Variants in SIRT3 observed in about 807,000 individuals in gnomAD.
SIRT3 encodes the protein NAD-dependent protein deacetylase sirtuin-3, mitochondrial.
SIRT3 carries 26 observed loss-of-function variants against 33.5 expected under a neutral mutation model. The observed-to-expected ratio is 0.78, with a 90% CI of 0.57 to 1.08. The LOEUF is 1.08. Ranked by LOEUF, SIRT3 falls within the 50% of genes least tolerant of loss-of-function variation. SIRT3 has a pLI of 0.00. For synonymous variants in SIRT3, 237 were observed against 222.1 expected (o/e 1.07, Z -0.60); for missense variants, 585 against 530.1 (o/e 1.10, Z -1.02).
rs201115579 is a variant in SIRT3, at chr11:218,978, G to A, written c.1033C>T (p.Arg345Trp). ...CAAGCCAAGGGCCCCACCAAGTCCCGGTTGATGAGCAGTCGGGGAACTGAG... is the reference window on the plus strand; with the variant it reads ...CAAGCCAAGGGCCCCACCAAGTCCCAGTTGATGAGCAGTCGGGGAACTGAG... ...RSSVPRLLIN[R>W]DLVGPLAWHP... Residue 345 changes from arginine (R) to tryptophan (W), a missense_variant, in exon 6 of 7, where the codon CGG (arginine) becomes TGG (tryptophan). Physicochemically the swap from Arg to Trp is moderately radical, Grantham distance 101. Transcript: ENST00000382743. 1.0e-4 allele frequency: 168 copies of A among 1,614,026 alleles called. No individual in the cohort carries two copies. The highest frequency in any genetic ancestry group is 3.3e-4 in the Middle Eastern group (2 of 6,074).
At chr11:229,107 G>A (rs1351164217) in intron 4 of SIRT3, among the ~76,000 whole-genome samples, 1 of 152,230 alleles carries the variant, frequency 6.6e-6, no homozygotes, top group Non-Finnish European at 1.5e-5. Context: ...CCCACTGTTG[G>A]TGGAATGTAA....
Position 215,169 on chromosome 11 carries a change from C to G in SIRT3, c.*1529G>C, listed in dbSNP as rs1590082446. The G allele has an allele frequency of 6.5e-6, 1 of 153,184 alleles. No individual in the cohort carries two copies. 9.5% of individuals were successfully genotyped at this position (153,184 alleles called of 1,614,324 possible). ...AGGCACAGTGGCTCATGCCTGTAAT[C>G]CCAGCACTTTGGGAGGCCGAGGTGG... On this transcript the variant is annotated 3_prime_UTR_variant, in exon 7 of 7. Coordinates refer to ENST00000382743, the MANE Select transcript of SIRT3 (RefSeq NM_012239.6).
intron 1 of SIRT3, among the ~76,000 whole-genome samples, 187 bp downstream of exon 1, chr11:235,861 G>C (rs1354423214): frequency 6.6e-6 from 1 of 152,198 alleles, no homozygotes; most frequent in Non-Finnish European, 1.5e-5. Flanking sequence ...TTCAATGAGG[G>C]AATGGTGAAA....
At chr11:232,892 TGAGAAACAGGCACCCGAGCCTCCCTGG>T (rs1156941486) in intron 3 of SIRT3, 64 bp downstream of exon 3, 30 of 1,242,354 alleles carry the variant, frequency 2.4e-5, no homozygotes, top group African/African-American at 1.2e-4. Flanking sequence ...GCATCCCCTG[TGAGAAACAGGCACCCGAGCCTCCCTGG>T]GAGAAACAGG....
chr11:235,364 C>T (rs536653403), intron 1 of SIRT3, among the ~76,000 whole-genome samples: 163 of 152,236 alleles, frequency 1.1e-3, no homozygotes, highest in Admixed American at 2.0e-3. Context: ...CGCCACCATG[C>T]CCGGCTAATT....
chr11:219,403 G>A (rs1856121004), intron 5 of SIRT3, among the ~76,000 whole-genome samples: 1 of 152,154 alleles, frequency 6.6e-6, no homozygotes, highest in Non-Finnish European at 1.5e-5. Flanking sequence ...ATGACGCAGA[G>A]GGACAACAGC....
At chr11:222,106 G>T (rs937280038) in intron 5 of SIRT3, among the ~76,000 whole-genome samples, 1 of 152,162 alleles carries the variant, frequency 6.6e-6, no homozygotes, top group African/African-American at 2.4e-5. Context: ...GGCCAGCACG[G>T]TCAGCTGGTC....
chr11:221,247 T>C (rs1856405091), intron 5 of SIRT3, among the ~76,000 whole-genome samples: 2 of 152,176 alleles, frequency 1.3e-5, no homozygotes, highest in African/African-American at 2.4e-5. Flanking sequence ...GCCTCTCAAA[T>C]AGCTGCAACT....
At chr11:221,764 T>C (rs1856473554) in intron 5 of SIRT3, among the ~76,000 whole-genome samples, 1 of 152,238 alleles carries the variant, frequency 6.6e-6, no homozygotes, top group African/African-American at 2.4e-5. Flanking sequence ...TAAGGGAAAC[T>C]GTTGGCATTA....
upstream of SIRT3, chr11:236,409 CCGG>C: frequency 2.2e-6 from 2 of 919,706 alleles, no homozygotes; most frequent in Admixed American, 5.8e-5. Flanking sequence ...ACCCCCGCCC[CCGG>C]CGCCCCAGCC....
chr11:234,054 CCTG>C (rs1463442620), intron 1 of SIRT3: 1 of 153,042 alleles, frequency 6.5e-6, no homozygotes, highest in Non-Finnish European at 1.5e-5. Flanking sequence ...CTGTTGAGTG[CCTG>C]CTGAGGGCAA....
intron 6 of SIRT3, among the ~76,000 whole-genome samples, chr11:217,992 TCTTGCCTGC>T (rs1349284043): frequency 2.0e-5 from 3 of 152,218 alleles, no homozygotes; most frequent in Non-Finnish European, 4.4e-5. Context: ...GCACACGTCC[TCTTGCCTGC>T]CACCTTGTAA....
chr11:224,105 C>T lies in SIRT3; in HGVS notation c.942G>A (p.Leu314=), dbSNP rs747796290. The change falls in exon 5 of 7, where the codon CTG becomes CTA. Residue 314 remains leucine, a synonymous_variant. Transcript: ENST00000382743. ...CCAGGGAGGTCCCAAGGATGAGCAG[C>T]AGATCTGCCATGGGGAAATCAACCA... ...LHVVDFPMAD[L]LLILGTSLEV... is the part of the protein sequence containing the mutation. The T allele has an allele frequency of 6.2e-7, 1 of 1,614,220 alleles. No homozygotes were observed. The highest frequency in any genetic ancestry group is 1.1e-5 in the South Asian group (1 of 91,088).
Position 216,655 on chromosome 11 carries a change from T to A in SIRT3, c.*43A>T. 6.2e-7 allele frequency: 1 copy of A among 1,611,824 alleles called. No individual in the cohort carries two copies. The highest frequency in any genetic ancestry group is 8.5e-7 in the Non-Finnish European group (1 of 1,178,118). ...GGTCTTGTCAGAATTGGGATGTGGA[T>A]GTCTCCTATGTTACCATTTATTGTG... On this transcript the variant is annotated 3_prime_UTR_variant, in exon 7 of 7. Transcript: ENST00000382743.
intron 6 of SIRT3, 65 bp downstream of exon 6, chr11:218,767 G>T (rs771209568): frequency 1.2e-6 from 2 of 1,610,284 alleles, no homozygotes; most frequent in Non-Finnish European, 1.7e-6. Context: ...TCCATATCAG[G>T]TGGACCATAC....
chr11:220,303 C>G (rs1856260615), intron 5 of SIRT3, among the ~76,000 whole-genome samples: 1 of 139,014 alleles, frequency 7.2e-6, no homozygotes, highest in South Asian at 2.3e-4. Flanking sequence ...GAACCTCCAG[C>G]CTGGGAGACA....
At position 224,194 on chromosome 11, in the gene SIRT3, C is replaced by T. The variant is rs147722093; in HGVS notation, c.853G>A (p.Gly285Ser). The T allele has an allele frequency of 2.0e-3, 3,190 of 1,614,164 alleles. 2 individuals are homozygous for T. The highest frequency in any genetic ancestry group is 2.5e-3 in the Non-Finnish European group (2,943 of 1,180,040). The change falls in exon 5 of 7, where the codon GGC becomes AGC. Residue 285 changes from glycine to serine, a missense_variant. By Grantham distance (56) the Gly-to-Ser change is moderately conservative. Transcript: ENST00000382743. ...AACACAATGTCGGGCTTCACAACGC[C>T]GGTGCAGACCGGGCAGCGGGGAACC... ...DRVPRCPVCT[G>S]VVKPDIVFFG...
At chr11:229,229 G>A (rs488526) in intron 4 of SIRT3, among the ~76,000 whole-genome samples, 3,818 of 152,272 alleles carry the variant, frequency 0.025, 162 homozygotes, top group African/African-American at 0.086. Flanking sequence ...GAGGCAGGCG[G>A]ATCACGAGGT....
Position 223,645 on chromosome 11 carries a change from G to C in SIRT3, c.969+433C>G. On this transcript the variant is annotated intron_variant, in intron 5 of 6. Coordinates refer to ENST00000382743, the MANE Select transcript of SIRT3 (RefSeq NM_012239.6). The surrounding 1 kb of genome is among the most constrained non-coding windows in gnomAD (Gnocchi z 4.8). ...CCATCCTTCTCCCTTCTCCTCACAC[G>C]TGGTGCCCCACCCACACCTATACCA... 52 of 328,402 alleles carry C rather than the reference G, an allele frequency of 1.6e-4. No individual in the cohort carries two copies. The highest frequency in any genetic ancestry group is 5.6e-4 in the East Asian group (7 of 12,500). 20.3% of individuals were successfully genotyped at this position (328,402 alleles called of 1,614,324 possible).
Sources: allele counts gnomAD v4.1 joint callset (sites outside exome capture counted in the v4.1 genomes callset), GRCh38; gene constraint gnomAD v4.1.1; non-coding constraint Gnocchi (gnomAD v3.1); transcripts MANE v1.5; gene names NCBI Gene and HGNC (gene_info 2026-07-23, HGNC 2026-07-21).